Variants in NT5E observed in about 807,000 individuals in gnomAD.
NT5E encodes the protein 5'-nucleotidase.
NT5E carries 53 observed loss-of-function variants against 55.1 expected under a neutral mutation model. The observed-to-expected ratio is 0.96, with a 90% CI of 0.77 to 1.21. The LOEUF is 1.21. Among genes scored for constraint, NT5E ranks in the 50% most tolerant of loss-of-function variants. The pLI, the probability that NT5E is intolerant of heterozygous loss-of-function variation, is 0.00. For synonymous variants in NT5E, 270 were observed against 278.4 expected, an observed-to-expected ratio of 0.97 and a Z score of 0.30; for missense variants, 683 against 724.3, an observed-to-expected ratio of 0.94 and a Z score of 0.65.
intron 6 of NT5E, 52 bp downstream of exon 6, chr6:85,489,651 C>G (rs764174428): frequency 5.3e-6 from 7 of 1,333,216 alleles, no homozygotes; most frequent in African/African-American, 2.9e-5. Flanking sequence ...CTCTGATCTC[C>G]TTTTCTGTTA....
chr6:85,461,852 G>A (rs1338164160), intron 1 of NT5E, among the ~76,000 whole-genome samples: 1 of 152,032 alleles, frequency 6.6e-6, no homozygotes, highest in Admixed American at 6.6e-5. Context: ...TAGAGAGACT[G>A]GGGGTAACTG....
At chr6:85,493,009 C>T (rs1055953943) in intron 8 of NT5E, among the ~76,000 whole-genome samples, 3 of 152,084 alleles carry the variant, frequency 2.0e-5, no homozygotes, top group African/African-American at 7.2e-5. Flanking sequence ...GAAGGGCAGG[C>T]GTAAAAGCCC....
chr6:85,478,841 TTG>T (rs1245114671), intron 3 of NT5E, among the ~76,000 whole-genome samples: 2 of 151,820 alleles, frequency 1.3e-5, no homozygotes, highest in African/African-American at 4.8e-5. Context: ...ATATATAGTA[TTG>T]AGAGAGAGAA....
intron 1 of NT5E, among the ~76,000 whole-genome samples, chr6:85,466,690 C>T (rs1048754554): frequency 3.9e-5 from 6 of 152,104 alleles, no homozygotes; most frequent in African/African-American, 7.2e-5. Flanking sequence ...TCCAGCAGAT[C>T]GCGGCTTGAA....
chr6:85,485,296 T>A lies in NT5E; in HGVS notation c.813T>A (p.Asp271Glu). The change falls in exon 4 of 9, where the codon GAT becomes GAA. Residue 271 changes from aspartate (D) to glutamate (E), a missense_variant. By Grantham distance (45) the Asp-to-Glu change is conservative. Coordinates refer to ENST00000257770, the MANE Select transcript of NT5E (RefSeq NM_002526.4). Reference sequence around the variant, plus strand: ...ACCCATTCATAGTCACTTCTGATGATGGGCGGAAGGTTCCTGTAGTCCAGG... The same window carrying A: ...ACCCATTCATAGTCACTTCTGATGAAGGGCGGAAGGTTCCTGTAGTCCAGG... ...GKYPFIVTSDDGRKVPVVQAY... is the reference protein window; with the variant it reads ...GKYPFIVTSDEGRKVPVVQAY... The A allele has an allele frequency of 6.2e-7, 1 of 1,614,188 alleles. No homozygotes were observed. The highest frequency in any genetic ancestry group is 8.5e-7 in the Non-Finnish European group (1 of 1,180,032).
chr6:85,482,265 C>T lies in NT5E; in HGVS notation c.752-2970C>T, dbSNP rs183677439. On this transcript the variant is annotated intron_variant, in intron 3 of 8. Coordinates refer to ENST00000257770, the MANE Select transcript of NT5E (RefSeq NM_002526.4). Reference sequence around the variant, plus strand: ...AGCCCAGCACTTTTGGAGGCCAAGGCGAGAGGACTGCTTGAGCCCAGGAAT... The same window carrying T: ...AGCCCAGCACTTTTGGAGGCCAAGGTGAGAGGACTGCTTGAGCCCAGGAAT... 1.6e-3 allele frequency among the ~76,000 whole-genome samples: 241 copies of T among 151,894 alleles called. 1 individual carries two copies. Among genetic ancestry groups the T allele is most frequent in the African/African-American group, 5.5e-3 (226 of 41,418 alleles).
chr6:85,462,385 C>A (rs997398347), intron 1 of NT5E, among the ~76,000 whole-genome samples: 4 of 152,126 alleles, frequency 2.6e-5, no homozygotes, highest in African/African-American at 7.2e-5. Flanking sequence ...TTAGCAGCAT[C>A]ATTTTTTTTT....
intron 3 of NT5E, among the ~76,000 whole-genome samples, chr6:85,477,344 TTTTAA>T (rs1268074285): frequency 6.6e-6 from 1 of 152,200 alleles, no homozygotes; most frequent in Non-Finnish European, 1.5e-5. Flanking sequence ...TCAGTTTTTT[TTTTAA>T]TTAAGTATCT....
chr6:85,487,596 T>C, intron 5 of NT5E, 107 bp downstream of exon 5: 385 of 1,317,866 alleles, frequency 2.9e-4, no homozygotes, highest in Non-Finnish European at 3.8e-4. Context: ...GAATGAGGGA[T>C]TTCAAAACAT....
At position 85,450,193 on chromosome 6, in the gene NT5E, G is replaced by C. The variant is rs1214036500; in HGVS notation, c.54G>C (p.Ala18=). 4 of 1,608,518 alleles carry C rather than the reference G, an allele frequency of 2.5e-6. No individual in the cohort carries two copies. The highest frequency in any genetic ancestry group is 1.3e-5 in the African/African-American group (1 of 74,864). Residue 18 remains alanine (A), a synonymous_variant, in exon 1 of 9, where the codon GCG becomes GCC. Coordinates refer to ENST00000257770, the MANE Select transcript of NT5E (RefSeq NM_002526.4). This position sits in a 1 kb window ranked among gnomAD's most constrained non-coding sequence, Gnocchi z 4.0. Reference sequence around the variant, plus strand: ...CGACGCTACTCCTCGCCCTGGGCGCGGTGCTGTGGCCTGCGGCTGGCGCCT... The same window carrying C: ...CGACGCTACTCCTCGCCCTGGGCGCCGTGCTGTGGCCTGCGGCTGGCGCCT... The part of the protein sequence containing the change: ...APATLLLALG[A]VLWPAAGAWE...
intron 1 of NT5E, among the ~76,000 whole-genome samples, chr6:85,466,331 G>T (rs888414915): frequency 2.0e-5 from 3 of 152,172 alleles, no homozygotes; most frequent in Non-Finnish European, 4.4e-5. Context: ...GAAGCCCTGC[G>T]CTGGGAGCAG....
At chr6:85,486,266 C>T (rs1769657401) in intron 4 of NT5E, among the ~76,000 whole-genome samples, 1 of 152,156 alleles carries the variant, frequency 6.6e-6, no homozygotes, top group Non-Finnish European at 1.5e-5. Flanking sequence ...AGCCTTAGAA[C>T]AGAAACACAG....
At chr6:85,459,258 C>T (rs1235321830) in intron 1 of NT5E, among the ~76,000 whole-genome samples, 3 of 152,184 alleles carry the variant, frequency 2.0e-5, no homozygotes, top group East Asian at 3.9e-4. Flanking sequence ...CCACCATGCC[C>T]AGCCTAGGCT....
At chr6:85,471,501 A>T (rs1233322105) in intron 3 of NT5E, 76 bp downstream of exon 3, 1 of 1,242,862 alleles carries the variant, frequency 8.0e-7, no homozygotes, top group Non-Finnish European at 1.2e-6. Context: ...TGTAACTGTT[A>T]TTACTCTTTT....
At chr6:85,488,621 C>A (rs906232276) in intron 5 of NT5E, among the ~76,000 whole-genome samples, 2 of 152,050 alleles carry the variant, frequency 1.3e-5, no homozygotes, top group African/African-American at 4.8e-5. Context: ...TGCTCTGTCG[C>A]CCAGGCTGGA....
chr6:85,450,533 G>T lies in NT5E; in HGVS notation c.339+55G>T. 3 of 1,505,316 alleles carry T rather than the reference G, an allele frequency of 2.0e-6. No homozygotes were observed. Among genetic ancestry groups the T allele is most frequent in the Non-Finnish European group, 2.7e-6 (3 of 1,105,842 alleles). The allele number at this position is 1,505,316 out of a possible 1,614,324, so 93.2% of individuals were successfully genotyped here. On this transcript the variant is annotated intron_variant, in intron 1 of 8. Transcript: ENST00000257770. This position sits in a 1 kb window ranked among gnomAD's most constrained non-coding sequence, Gnocchi z 4.0. Reference sequence around the variant, plus strand: ...AGTCCCGGACTGAGAGAGGAGCCGGGCTGGAAAAGCAGCGGATGGCAGAGT... The same window carrying T: ...AGTCCCGGACTGAGAGAGGAGCCGGTCTGGAAAAGCAGCGGATGGCAGAGT...
At chr6:85,491,372 G>A (rs1236001375) in intron 7 of NT5E, 2 of 326,922 alleles carry the variant, frequency 6.1e-6, no homozygotes, top group African/African-American at 4.4e-5. Context: ...GGTCCCGCTT[G>A]ACAGATAGAA....
intron 3 of NT5E, among the ~76,000 whole-genome samples, chr6:85,477,717 C>A (rs2127722652): frequency 6.6e-6 from 1 of 152,346 alleles, no homozygotes; most frequent in Middle Eastern, 3.4e-3. Flanking sequence ...TTACTTACAA[C>A]ATTCACAAGA....
At chr6:85,480,721 C>A (rs1159796867) in intron 3 of NT5E, among the ~76,000 whole-genome samples, 2 of 152,226 alleles carry the variant, frequency 1.3e-5, no homozygotes, top group Non-Finnish European at 2.9e-5. Context: ...TATTTATTGG[C>A]TTGCCTTGCC....
Sources: gnomAD v4.1 joint callset for allele counts (sites outside exome capture counted in the v4.1 genomes callset) on GRCh38, gnomAD v4.1.1 for gene constraint, Gnocchi (gnomAD v3.1) non-coding constraint, MANE v1.5 for transcripts, NCBI Gene and HGNC (gene_info 2026-07-23, HGNC 2026-07-21) for gene names.